The following KCNS3 variants were observed in gnomAD, a reference collection of about 807,000 sequenced individuals.
KCNS3 encodes the protein potassium voltage-gated channel modifier subfamily S member 3.
Under a neutral mutation model 31.0 loss-of-function variants are expected in KCNS3, and 13 were observed. The observed-to-expected ratio is 0.42, with a 90% CI of 0.27 to 0.67. The LOEUF is 0.67. Among genes scored for constraint, KCNS3 ranks in the 30% least tolerant of loss-of-function variants. The probability of loss-of-function intolerance (pLI) is 0.25; values close to 1 mark genes in which losing one functional copy is unlikely to be tolerated. For missense variants in KCNS3, 545 were observed against 622.4 expected, an observed-to-expected ratio of 0.88 and a Z score of 1.32; for synonymous variants, 238 against 241.5, an observed-to-expected ratio of 0.99 and a Z score of 0.13.
chr2:17,905,402 G>T (rs1178774093), intron 1 of KCNS3, among the ~76,000 whole-genome samples: 1 of 152,200 alleles, frequency 6.6e-6, no homozygotes, highest in Non-Finnish European at 1.5e-5. Context: ...CATGTCATCT[G>T]CAAACAGGGA....
At chr2:17,881,367 G>A (rs1234835976) in intron 1 of KCNS3, among the ~76,000 whole-genome samples, 1 of 152,172 alleles carries the variant, frequency 6.6e-6, no homozygotes, top group Non-Finnish European at 1.5e-5. Flanking sequence ...GAAGAGAATA[G>A]GATGTGGGGA....
In KCNS3 at chr2:17,931,878, G is replaced by T. The variant is rs1436448101; in HGVS notation, c.870G>T (p.Gln290His). 2 of 1,614,200 alleles carry T rather than the reference G, an allele frequency of 1.2e-6. No individual in the cohort carries two copies. The highest frequency in any genetic ancestry group is 1.7e-6 in the Non-Finnish European group (2 of 1,180,020). ...EDIENMGKVV[Q>H]ILRLMRIFRI... Reference sequence around the variant, plus strand: ...TTGAGAACATGGGCAAGGTGGTCCAGATCCTACGGCTTATGAGGATTTTCC... The same window carrying T: ...TTGAGAACATGGGCAAGGTGGTCCATATCCTACGGCTTATGAGGATTTTCC... Residue 290 changes from glutamine to histidine, a missense_variant, in exon 3 of 3, where the codon CAG (glutamine) becomes CAT (histidine). Gln to His is a conservative substitution (Grantham distance 24). Transcript: ENST00000304101. The surrounding 1 kb of genome is among the most constrained non-coding windows in gnomAD (Gnocchi z 5.4).
intron 1 of KCNS3, among the ~76,000 whole-genome samples, chr2:17,879,023 G>T (rs1364996098): frequency 1.3e-5 from 2 of 152,192 alleles, no homozygotes; most frequent in African/African-American, 4.8e-5. Context: ...AGAGCCCGCC[G>T]TCGCTGGAGC....
chr2:17,922,896 G>A (rs1023571517), intron 2 of KCNS3, among the ~76,000 whole-genome samples: 1 of 152,106 alleles, frequency 6.6e-6, no homozygotes, highest in Non-Finnish European at 1.5e-5. Flanking sequence ...TATGAATAAT[G>A]CTGCTACGAA....
chr2:17,909,170 C>T (rs1662412458), intron 1 of KCNS3, among the ~76,000 whole-genome samples: 1 of 152,226 alleles, frequency 6.6e-6, no homozygotes, highest in African/African-American at 2.4e-5. Flanking sequence ...GGCGCCCCTC[C>T]CCCAGCCTCG....
chr2:17,880,843 G>A (rs1006695789), intron 1 of KCNS3, among the ~76,000 whole-genome samples: 4 of 152,300 alleles, frequency 2.6e-5, no homozygotes, highest in Admixed American at 6.5e-5. Flanking sequence ...TCTTCAGTGG[G>A]TTTTGCCCTT....
upstream of KCNS3, chr2:17,878,531 G>GGCCCGGGGCGCCCGGCTGCT (rs1674559219): frequency 6.6e-6 from 1 of 150,690 alleles, no homozygotes; most frequent in African/African-American, 2.4e-5. Context: ...GCCCGGCTGC[G>GGCCCGGGGCGCCCGGCTGCT]GGCCCGAAGC....
chr2:17,896,744 C>T (rs932118502), intron 1 of KCNS3, among the ~76,000 whole-genome samples: 1 of 152,146 alleles, frequency 6.6e-6, no homozygotes, highest in African/African-American at 2.4e-5. Context: ...ACTGGGTGGA[C>T]AGGTGGTATG....
At chr2:17,911,745 C>T (rs1000022910) in intron 1 of KCNS3, among the ~76,000 whole-genome samples, 1 of 152,176 alleles carries the variant, frequency 6.6e-6, no homozygotes, top group Non-Finnish European at 1.5e-5. Context: ...AATGGTTTTA[C>T]ATGCAGTAGA....
chr2:17,908,223 C>CT (rs778391985), intron 1 of KCNS3, among the ~76,000 whole-genome samples: 4 of 152,240 alleles, frequency 2.6e-5, no homozygotes, highest in Non-Finnish European at 5.9e-5. Flanking sequence ...TCTTCAATCA[C>CT]TGATACCCTT....
intron 1 of KCNS3, among the ~76,000 whole-genome samples, chr2:17,883,046 T>C (rs753351828): frequency 2.0e-5 from 3 of 152,236 alleles, no homozygotes; most frequent in Non-Finnish European, 4.4e-5. Flanking sequence ...ACTGTATAAA[T>C]ATTGTCTTCA....
chr2:17,927,065 T>A (rs12478861), intron 2 of KCNS3, among the ~76,000 whole-genome samples: 15,328 of 152,276 alleles, frequency 0.1, 837 homozygotes, highest in Middle Eastern at 0.16. Context: ...ACTTTGTTGC[T>A]TAGAAATTTC....
chr2:17,898,432 G>A (rs776954287), intron 1 of KCNS3, among the ~76,000 whole-genome samples: 34 of 152,116 alleles, frequency 2.2e-4, no homozygotes, highest in Middle Eastern at 6.3e-3. Flanking sequence ...GATTATTCCT[G>A]TAATTTCAAC....
At chr2:17,884,147 C>A (rs1674706326) in intron 1 of KCNS3, among the ~76,000 whole-genome samples, 1 of 148,134 alleles carries the variant, frequency 6.8e-6, no homozygotes. Flanking sequence ...AGGAGATATA[C>A]CTAATGTAAA....
chr2:17,877,940 T>G (rs111676518), upstream of KCNS3: 3 of 152,430 alleles, frequency 2.0e-5, no homozygotes, highest in African/African-American at 7.2e-5. Flanking sequence ...CATCGTCCCC[T>G]GACTTCCTCT....
At chr2:17,893,045 G>T (rs569740564) in intron 1 of KCNS3, among the ~76,000 whole-genome samples, 1 of 152,304 alleles carries the variant, frequency 6.6e-6, no homozygotes, top group South Asian at 2.1e-4. Context: ...CCATCAGGTG[G>T]GGGTAGGGCC....
intron 1 of KCNS3, among the ~76,000 whole-genome samples, chr2:17,887,361 A>G (rs941748330): frequency 6.6e-6 from 1 of 152,062 alleles, no homozygotes; most frequent in African/African-American, 2.4e-5. Context: ...GTGAGAACAT[A>G]CGATGTTTGA....
chr2:17,917,271 G>T (rs3810834), intron 1 of KCNS3, among the ~76,000 whole-genome samples: 130,649 of 152,188 alleles, frequency 0.86, 57,043 homozygotes, highest in East Asian at 0.97. Context: ...TACCCAGAAG[G>T]TAGATTTTGA....
At chr2:17,888,841 A>G (rs551001032) in intron 1 of KCNS3, among the ~76,000 whole-genome samples, 4 of 151,318 alleles carry the variant, frequency 2.6e-5, no homozygotes, top group Non-Finnish European at 4.4e-5. Flanking sequence ...CTTATAGTAT[A>G]GTTTGAAATC....
Sources: gnomAD v4.1 joint callset for allele counts (sites outside exome capture counted in the v4.1 genomes callset) on GRCh38, gnomAD v4.1.1 for gene constraint, Gnocchi (gnomAD v3.1) non-coding constraint, MANE v1.5 for transcripts, NCBI Gene and HGNC (gene_info 2026-07-23, HGNC 2026-07-21) for gene names.